ADAMTSL1: variants seen among roughly 807,000 people sequenced by gnomAD.
ADAMTSL1 encodes ADAMTS like 1.
ADAMTSL1 carries 126 observed loss-of-function variants against 201.8 expected under a neutral mutation model. The observed-to-expected ratio is 0.62, with a 90% CI of 0.54 to 0.72. The LOEUF is 0.72. ADAMTSL1 is among the 30% of genes least tolerant of loss of function. The pLI is 0.00. For missense variants in ADAMTSL1, 2,679 were observed against 2,277.8 expected, an observed-to-expected ratio of 1.18 and a Z score of -3.59; for synonymous variants, 1,121 against 903.4, an observed-to-expected ratio of 1.24 and a Z score of -4.32.
chr9:18,755,535 A>T (rs995431492), intron 16 of ADAMTSL1, among the ~76,000 whole-genome samples: 2 of 152,134 alleles, frequency 1.3e-5, no homozygotes, highest in Admixed American at 6.5e-5. Context: ...TGAAACATCA[A>T]TGTCTTTTTG....
chr9:18,811,077 A>G (rs1341972407), intron 20 of ADAMTSL1, among the ~76,000 whole-genome samples: 3 of 150,894 alleles, frequency 2.0e-5, no homozygotes, highest in Admixed American at 6.6e-5. Context: ...CAAAAGGACT[A>G]GGAAAGGGGA....
intron 1 of ADAMTSL1, among the ~76,000 whole-genome samples, chr9:18,500,306 G>C (rs1223169696): frequency 6.6e-6 from 1 of 152,264 alleles, no homozygotes; most frequent in Non-Finnish European, 1.5e-5. Context: ...ACACCATTCT[G>C]AGGTTGATGG....
At chr9:17,962,334 T>G (rs1452049717) in intron 1 of ADAMTSL1, among the ~76,000 whole-genome samples, 1 of 152,312 alleles carries the variant, frequency 6.6e-6, no homozygotes, top group East Asian at 1.9e-4. Flanking sequence ...GGATACCTTT[T>G]GAACACTTTC....
chr9:18,673,043 C>T (rs1829924708), intron 9 of ADAMTSL1, among the ~76,000 whole-genome samples: 1 of 152,204 alleles, frequency 6.6e-6, no homozygotes, highest in Admixed American at 6.5e-5. Flanking sequence ...ACTGTTTCTT[C>T]TATCTTTTCC....
chr9:18,219,342 T>TA (rs1830170064), intron 2 of ADAMTSL1, among the ~76,000 whole-genome samples: 1 of 141,884 alleles, frequency 7.0e-6, no homozygotes. Flanking sequence ...TTACATTTTA[T>TA]TTTTATTTAT....
intron 23 of ADAMTSL1, among the ~76,000 whole-genome samples, chr9:18,845,149 T>C (rs1826019268): frequency 6.6e-6 from 1 of 152,214 alleles, no homozygotes; most frequent in Admixed American, 6.5e-5. Flanking sequence ...CTGGGAGCTG[T>C]AGACCGGAGC....
chr9:18,714,222 T>C (rs1832778301), intron 14 of ADAMTSL1, among the ~76,000 whole-genome samples: 1 of 151,574 alleles, frequency 6.6e-6, no homozygotes, highest in African/African-American at 2.4e-5. Flanking sequence ...ATTCAAAAGC[T>C]AGCAGAAGGC....
At chr9:18,732,999 T>A (rs142343056) in intron 15 of ADAMTSL1, among the ~76,000 whole-genome samples, 4 of 152,330 alleles carry the variant, frequency 2.6e-5, no homozygotes, top group African/African-American at 9.6e-5. Context: ...TAGTGAGATA[T>A]CTTGTAACTA....
At chr9:18,675,761 G>T in intron 9 of ADAMTSL1, 96 bp from the exon 10 acceptor site, 2 of 1,037,978 alleles carry the variant, frequency 1.9e-6, no homozygotes, top group African/African-American at 1.6e-5. Context: ...ATGTTATTTT[G>T]CATTTGTATT....
intron 2 of ADAMTSL1, among the ~76,000 whole-genome samples, chr9:18,437,916 A>T (rs1035622328): frequency 1.3e-5 from 2 of 151,900 alleles, no homozygotes; most frequent in African/African-American, 2.4e-5. Context: ...ACACTGATAC[A>T]CTCGCAGTGC....
chr9:18,032,211 C>A (rs1301511044), intron 1 of ADAMTSL1, among the ~76,000 whole-genome samples: 1 of 152,194 alleles, frequency 6.6e-6, no homozygotes, highest in Non-Finnish European at 1.5e-5. Flanking sequence ...GGCTCCTACA[C>A]TGGCACACAA....
intron 1 of ADAMTSL1, among the ~76,000 whole-genome samples, chr9:18,494,885 T>C (rs1220440282): frequency 3.3e-5 from 5 of 151,948 alleles, no homozygotes; most frequent in African/African-American, 1.2e-4. Flanking sequence ...CCATAGAAAA[T>C]CTCCTAGCAA....
chr9:18,571,917 T>C (rs1822330695), intron 3 of ADAMTSL1, among the ~76,000 whole-genome samples: 1 of 152,138 alleles, frequency 6.6e-6, no homozygotes, highest in African/African-American at 2.4e-5. Context: ...TTGTGGCCAG[T>C]TGCGGTGGCT....
chr9:18,226,778 G>T (rs973431116), intron 2 of ADAMTSL1, among the ~76,000 whole-genome samples: 9 of 152,100 alleles, frequency 5.9e-5, no homozygotes, highest in South Asian at 2.1e-4. Context: ...ATTATACTTT[G>T]AGGGGTTCAT....
chr9:18,036,777 A>T (rs1157623669), intron 1 of ADAMTSL1, among the ~76,000 whole-genome samples: 2 of 152,226 alleles, frequency 1.3e-5, no homozygotes, highest in Non-Finnish European at 2.9e-5. Context: ...GCCAAAGTTC[A>T]GACCACATTA....
At chr9:18,038,785 A>G (rs1383931626) in intron 1 of ADAMTSL1, among the ~76,000 whole-genome samples, 1 of 152,224 alleles carries the variant, frequency 6.6e-6, no homozygotes, top group Non-Finnish European at 1.5e-5. Context: ...CTAACAAGAA[A>G]GTAAAGAAGA....
intron 20 of ADAMTSL1, among the ~76,000 whole-genome samples, chr9:18,807,359 T>G (rs956773876): frequency 1.3e-5 from 2 of 152,174 alleles, no homozygotes; most frequent in African/African-American, 4.8e-5. Context: ...GCATACATAG[T>G]ACAGGCCGGG....
intron 23 of ADAMTSL1, among the ~76,000 whole-genome samples, chr9:18,864,797 A>G (rs1827404646): frequency 6.6e-6 from 1 of 152,240 alleles, no homozygotes; most frequent in African/African-American, 2.4e-5. Context: ...GTGGCACATT[A>G]TAGGTTACAT....
intron 2 of ADAMTSL1, among the ~76,000 whole-genome samples, chr9:18,357,940 A>G (rs1836326967): frequency 6.6e-6 from 1 of 152,094 alleles, no homozygotes; most frequent in Non-Finnish European, 1.5e-5. Flanking sequence ...GACTCCAAAG[A>G]ATATATTTTA....
Sources: allele counts gnomAD v4.1 joint callset (sites outside exome capture counted in the v4.1 genomes callset), GRCh38; gene constraint gnomAD v4.1.1; transcripts MANE v1.5; gene names NCBI Gene and HGNC (gene_info 2026-07-23, HGNC 2026-07-21).